PCDH15: variants seen among roughly 807,000 people sequenced by gnomAD.
The protein encoded by PCDH15 is protocadherin-15.
In PCDH15, 129 loss-of-function variants were observed where a neutral mutation model predicts 178.5. That is an observed-to-expected ratio of 0.72 (90% confidence interval 0.63 to 0.84). The LOEUF is 0.84. PCDH15 is among the 40% of genes least tolerant of loss of function. The pLI is 0.00. For synonymous variants in PCDH15, 800 were observed against 732.0 expected (o/e 1.09, Z -1.50); for missense variants, 2,230 against 2,099.9 (o/e 1.06, Z -1.21).
chr10:55,205,252 C>T (rs545434699), intron 1 of PCDH15, among the ~76,000 whole-genome samples: 1 of 151,994 alleles, frequency 6.6e-6, no homozygotes, highest in South Asian at 2.1e-4. Context: ...TAAATTATTA[C>T]AGATATCTAT....
chr10:54,863,084 G>T (rs967515153), intron 3 of PCDH15, among the ~76,000 whole-genome samples: 1 of 151,988 alleles, frequency 6.6e-6, no homozygotes, highest in African/African-American at 2.4e-5. Context: ...CTATGCTTAA[G>T]CTGTATTTTT....
At chr10:55,495,659 C>A (rs1299111737) in intron 2 of PCDH15, among the ~76,000 whole-genome samples, 1 of 151,686 alleles carries the variant, frequency 6.6e-6, no homozygotes, top group African/African-American at 2.4e-5. Context: ...TAAAAGATTA[C>A]AGGTTCTTTA....
At chr10:54,184,271 T>A (rs1326248659) in intron 12 of PCDH15, among the ~76,000 whole-genome samples, 1 of 152,158 alleles carries the variant, frequency 6.6e-6, no homozygotes, top group African/African-American at 2.4e-5. Flanking sequence ...TCTGATCTTT[T>A]TCTATGTAGG....
At chr10:55,273,239 CAA>C (rs1275000502) in intron 1 of PCDH15, among the ~76,000 whole-genome samples, 4 of 151,922 alleles carry the variant, frequency 2.6e-5, no homozygotes, top group African/African-American at 9.7e-5. Context: ...TTTTTTTACA[CAA>C]GAGTAAGTGG....
chr10:54,102,058 T>A (rs2094823022), intron 15 of PCDH15, among the ~76,000 whole-genome samples: 1 of 152,156 alleles, frequency 6.6e-6, no homozygotes. Context: ...ATATGGCAAG[T>A]GGAAAAAATA....
chr10:53,965,672 A>G (rs1335005115), intron 21 of PCDH15, among the ~76,000 whole-genome samples: 1 of 152,200 alleles, frequency 6.6e-6, no homozygotes, highest in Non-Finnish European at 1.5e-5. Flanking sequence ...AGTCACCTCC[A>G]GAACAGGAGG....
chr10:54,558,436 C>G (rs1238618937), intron 2 of PCDH15, among the ~76,000 whole-genome samples: 1 of 152,082 alleles, frequency 6.6e-6, no homozygotes, highest in Non-Finnish European at 1.5e-5. Flanking sequence ...GCTCTGCCCA[C>G]CAGTCTTAAA....
At chr10:54,744,073 T>C (rs11004534) in intron 1 of PCDH15, among the ~76,000 whole-genome samples, 15,078 of 152,102 alleles carry the variant, frequency 0.099, 1,515 homozygotes, top group East Asian at 0.48. Context: ...TCTTATTTAT[T>C]AGCCCTGTCA....
intron 3 of PCDH15, among the ~76,000 whole-genome samples, chr10:54,408,463 A>G (rs183217667): frequency 6.7e-6 from 1 of 149,608 alleles, no homozygotes; most frequent in East Asian, 1.9e-4. Flanking sequence ...TTATCAGTCC[A>G]AAGTGATTTG....
Position 55,066,265 on chromosome 10 carries a change from C to T in PCDH15, c.-80+100311G>A, listed in dbSNP as rs114555937. ...TTATTTTAATTTTTAATAAAAGAATCAATTCTCTGGTTAATCAGTTCTACT... is the reference window on the plus strand; with the variant it reads ...TTATTTTAATTTTTAATAAAAGAATTAATTCTCTGGTTAATCAGTTCTACT... On this transcript the variant is annotated intron_variant, in intron 2 of 5. Coordinates refer to the PCDH15 transcript ENST00000458638. Among the ~76,000 whole-genome samples the T allele has an allele frequency of 7.7e-3, 1,159 of 151,200 alleles. 19 individuals carry two copies. The highest frequency in any genetic ancestry group is 0.027 in the African/African-American group (1,100 of 41,420).
intron 10 of PCDH15, among the ~76,000 whole-genome samples, chr10:54,210,976 A>C (rs1195285722): frequency 1.3e-5 from 2 of 152,136 alleles, no homozygotes; most frequent in Non-Finnish European, 2.9e-5. Context: ...AATTATTCAA[A>C]ATTTATCCAT....
intron 2 of PCDH15, among the ~76,000 whole-genome samples, chr10:54,956,316 T>G (rs952036028): frequency 4.0e-5 from 6 of 151,528 alleles, no homozygotes; most frequent in Non-Finnish European, 7.4e-5. Context: ...ATTTTGAGAA[T>G]ATACTACATG....
chr10:55,049,650 C>T (rs1056161245), intron 2 of PCDH15, among the ~76,000 whole-genome samples: 4 of 151,854 alleles, frequency 2.6e-5, no homozygotes, highest in Admixed American at 6.6e-5. Context: ...TAGGTAATAA[C>T]ATATTGACCA....
Position 54,706,291 on chromosome 10 carries a change from C to A in PCDH15, c.-28-42001G>T, listed in dbSNP as rs1262463906. 2.0e-5 allele frequency among the ~76,000 whole-genome samples: 3 copies of A among 152,132 alleles called. No homozygotes were observed. In the East Asian group the frequency reaches 5.8e-4, roughly 29 times the overall value. On this transcript the variant is annotated intron_variant, in intron 1 of 37. Transcript: ENST00000644397. ...AACTTCCAAGTCAATACACAACTTA[C>A]CATCCCCACTTTTAGCTATAACTCA...
chr10:54,387,004 G>T (rs1340623109), intron 3 of PCDH15, among the ~76,000 whole-genome samples: 2 of 152,058 alleles, frequency 1.3e-5, no homozygotes, highest in Non-Finnish European at 2.9e-5. Context: ...TTTAAGTGTT[G>T]TCTGTACAAG....
intron 2 of PCDH15, among the ~76,000 whole-genome samples, chr10:55,379,225 C>T (rs1837476081): frequency 6.6e-6 from 1 of 151,874 alleles, no homozygotes; most frequent in African/African-American, 2.4e-5. Flanking sequence ...TGTAAATAAT[C>T]ACCTCCCCTG....
intron 3 of PCDH15, among the ~76,000 whole-genome samples, chr10:54,810,586 C>G (rs968941388): frequency 6.6e-6 from 1 of 152,018 alleles, no homozygotes; most frequent in African/African-American, 2.4e-5. Context: ...CTTGATGGTA[C>G]CCCAAATCTT....
chr10:55,159,053 G>A (rs899611134), intron 2 of PCDH15, among the ~76,000 whole-genome samples: 4 of 152,024 alleles, frequency 2.6e-5, no homozygotes, highest in Non-Finnish European at 4.4e-5. Flanking sequence ...AATGATGAAA[G>A]GGAGGCTGAT....
At chr10:54,720,615 T>G (rs1941433160) in intron 1 of PCDH15, among the ~76,000 whole-genome samples, 1 of 152,090 alleles carries the variant, frequency 6.6e-6, no homozygotes, top group African/African-American at 2.4e-5. Context: ...AGGAATTCAT[T>G]ACTACCAGAT....
Sources: gnomAD v4.1 joint callset for allele counts (sites outside exome capture counted in the v4.1 genomes callset) on GRCh38, gnomAD v4.1.1 for gene constraint, MANE v1.5 for transcripts, NCBI Gene and HGNC (gene_info 2026-07-23, HGNC 2026-07-21) for gene names.